The following TESMIN variants were observed in gnomAD, a reference collection of about 807,000 sequenced individuals.
TESMIN encodes testis expressed metallothionein like protein.
A neutral mutation model predicts 47.4 loss-of-function variants in TESMIN; 34 were observed. That is an observed-to-expected ratio of 0.72 (90% CI 0.55 to 0.96). The LOEUF (loss-of-function observed/expected upper bound fraction) is 0.96. TESMIN is among the 40% of genes least tolerant of loss of function. TESMIN has a pLI of 0.00. For synonymous variants in TESMIN, 278 were observed against 258.9 expected, an observed-to-expected ratio of 1.07 and a Z score of -0.71; for missense variants, 610 against 637.2, an observed-to-expected ratio of 0.96 and a Z score of 0.46.
chr11:68,750,537 C>T lies in TESMIN; in HGVS notation c.124G>A (p.Glu42Lys), dbSNP rs1946581351. 6.2e-7 allele frequency: 1 copy of T among 1,605,638 alleles called. No homozygotes were observed. The highest frequency in any genetic ancestry group is 1.1e-5 in the South Asian group (1 of 89,332). Residue 42 changes from glutamate to lysine, a missense_variant, in exon 2 of 10, where the codon GAG becomes AAG. Transcript: ENST00000255087. ...TTGAAGACGTGGAACTCGTCCTCCT[C>T]GTACTTCACGGGGGCCTTCAGGCCG... ...NIGLKAPVKY[E>K]EDEFHVFKEA... is the part of the protein sequence containing the mutation.
chr11:68,724,666 T>C (rs1045349372), intron 6 of TESMIN, among the ~76,000 whole-genome samples: 4 of 152,184 alleles, frequency 2.6e-5, no homozygotes, highest in African/African-American at 9.7e-5. Flanking sequence ...AAGATGAACA[T>C]AAGGGTAGGG....
At chr11:68,717,313 G>T (rs1161297306) in intron 6 of TESMIN, among the ~76,000 whole-genome samples, 1 of 152,198 alleles carries the variant, frequency 6.6e-6, no homozygotes, top group South Asian at 2.1e-4. Context: ...AGTCCCTAGG[G>T]ACCCGGAGCT....
chr11:68,716,659 C>T (rs187137867), intron 6 of TESMIN, among the ~76,000 whole-genome samples: 2 of 152,338 alleles, frequency 1.3e-5, no homozygotes, highest in East Asian at 3.9e-4. Flanking sequence ...TGCTGGCAGC[C>T]AGTCTCCCTC....
chr11:68,737,006 T>C (rs4930244), intron 6 of TESMIN: 607,245 of 985,040 alleles, frequency 0.62, 188,917 homozygotes, highest in East Asian at 0.78. Flanking sequence ...CAAATGTCCT[T>C]GAATGTTCTA....
At chr11:68,711,220 CGTGA>C (rs573880720) in intron 8 of TESMIN, among the ~76,000 whole-genome samples, 171 bp from the exon 9 acceptor site, 126 of 150,520 alleles carry the variant, frequency 8.4e-4, no homozygotes, top group South Asian at 4.7e-3. Flanking sequence ...GTGTGTTGAA[CGTGA>C]GTGTGTGTAT....
intron 6 of TESMIN, among the ~76,000 whole-genome samples, chr11:68,720,684 C>T (rs1946194583): frequency 6.6e-6 from 1 of 152,240 alleles, no homozygotes. Flanking sequence ...TGCCCAGTAA[C>T]ACAGCCCCTG....
At chr11:68,713,460 G>A in intron 7 of TESMIN, 53 bp from the exon 8 acceptor site, 1 of 1,592,280 alleles carries the variant, frequency 6.3e-7, no homozygotes, top group Non-Finnish European at 8.6e-7. Context: ...TTAAAACTCA[G>A]CTCAATGAAG....
At chr11:68,749,223 GACAA>G (rs374199941) in intron 2 of TESMIN, among the ~76,000 whole-genome samples, 12 of 152,340 alleles carry the variant, frequency 7.9e-5, no homozygotes, top group African/African-American at 2.4e-4. Flanking sequence ...CTCCTCTGAG[GACAA>G]ACAGAGGTCA....
At chr11:68,736,669 A>G (rs1420464635) in intron 6 of TESMIN, 1 of 982,680 alleles carries the variant, frequency 1.0e-6, no homozygotes, top group Admixed American at 6.2e-5. Context: ...CACACCGTTT[A>G]CAATAGAGAA....
At chr11:68,707,133 G>A (rs933612613), downstream of TESMIN, among the ~76,000 whole-genome samples, 2 of 152,212 alleles carry the variant, frequency 1.3e-5, no homozygotes, top group African/African-American at 4.8e-5. Flanking sequence ...AATTGCAAAG[G>A]GGAAGAATTC....
chr11:68,750,555 T>G lies in TESMIN; in HGVS notation c.106A>C (p.Lys36Gln). Residue 36 changes from lysine (K) to glutamine (Q), a missense_variant, in exon 2 of 10, where the codon AAG becomes CAG. Transcript: ENST00000255087. ...GPFASENIGL[K>Q]APVKYEEDEF... is the part of the protein sequence containing the mutation. ...TCCTCCTCGTACTTCACGGGGGCCT[T>G]CAGGCCGATGTTCTCCGAAGCGAAC... 1 of 1,607,656 alleles carries G rather than the reference T, an allele frequency of 6.2e-7. No homozygotes were observed. Among genetic ancestry groups the G allele is most frequent in the Non-Finnish European group, 8.5e-7 (1 of 1,177,862 alleles).
chr11:68,736,775 CA>C (rs1221993045), intron 6 of TESMIN: 3 of 964,606 alleles, frequency 3.1e-6, no homozygotes, highest in East Asian at 2.4e-4. Flanking sequence ...GGAAGAAGAG[CA>C]GGGGGAGGAG....
At position 68,750,451 on chromosome 11, in the gene TESMIN, C is replaced by G; in HGVS notation, c.210G>C (p.Ala70=). ...CCTGGCCCTTGCAGTCGGCGCCCAG[C>G]GCGGGGTTGAACGCGTGCAGGACGG... ...KEPVLHAFNP[A]LGADCKGQVK... The change falls in exon 2 of 10, where the codon GCG becomes GCC. Residue 70 remains alanine (A), a synonymous_variant. Transcript: ENST00000255087. The G allele has an allele frequency of 6.3e-7, 1 of 1,584,204 alleles. No individual in the cohort carries two copies. The highest frequency in any genetic ancestry group is 8.6e-7 in the Non-Finnish European group (1 of 1,164,758).
Position 68,750,604 on chromosome 11 carries a change from C to G in TESMIN, c.57G>C (p.Thr19=). 15 of 1,600,212 alleles carry G rather than the reference C, an allele frequency of 9.4e-6. No homozygotes were observed. The highest frequency in any genetic ancestry group is 2.2e-5 in the South Asian group (2 of 89,024). Residue 19 remains threonine (T), a synonymous_variant, in exon 2 of 10, where the codon ACG becomes ACC. Transcript: ENST00000255087. ...GLPSPEDAMV[T]ELLSPEGPFA... is the part of the protein sequence containing the mutation. ...ACGGACCCTCGGGGCTTAAGAGCTC[C>G]GTCACCATCGCATCCTCGGGGCTGG...
downstream of TESMIN, among the ~76,000 whole-genome samples, chr11:68,706,172 C>T (rs1315587703): frequency 1.3e-5 from 2 of 152,292 alleles, no homozygotes; most frequent in East Asian, 3.9e-4. Context: ...GCTTTGTAGT[C>T]ATCTTCTGTA....
At chr11:68,730,840 A>G (rs568781216) in intron 6 of TESMIN, among the ~76,000 whole-genome samples, 22 of 152,304 alleles carry the variant, frequency 1.4e-4, no homozygotes, top group Non-Finnish European at 2.2e-4. Flanking sequence ...TAAGTTTCCA[A>G]TAAAATAGAA....
chr11:68,747,083 C>T, intron 3 of TESMIN, 125 bp downstream of exon 3: 1 of 1,110,188 alleles, frequency 9.0e-7, no homozygotes, highest in Admixed American at 1.9e-5. Flanking sequence ...AATGAGACAA[C>T]CAAAAATCCT....
downstream of TESMIN, among the ~76,000 whole-genome samples, chr11:68,706,512 G>T (rs1438310104): frequency 6.6e-6 from 1 of 152,226 alleles, no homozygotes; most frequent in Admixed American, 6.5e-5. Flanking sequence ...GGCAGCCGTT[G>T]CCTCAGGAGA....
At position 68,750,592 on chromosome 11, in the gene TESMIN, G is replaced by T. The variant is rs776097075; in HGVS notation, c.69C>A (p.Ser23Arg). 1.9e-6 allele frequency: 3 copies of T among 1,604,276 alleles called. No individual in the cohort carries two copies. Among genetic ancestry groups the T allele is most frequent in the African/African-American group, 2.7e-5 (2 of 74,298 alleles). Residue 23 changes from serine (S) to arginine (R), a missense_variant, in exon 2 of 10, where the codon AGC becomes AGA. By Grantham distance (110) the Ser-to-Arg change is moderately radical. Transcript: ENST00000255087. ...PEDAMVTELL[S>R]PEGPFASENI... The stretch of plus-strand genomic sequence containing the variant: ...TCTCCGAAGCGAACGGACCCTCGGG[G>T]CTTAAGAGCTCCGTCACCATCGCAT...
Sources: gnomAD v4.1 joint callset for allele counts (sites outside exome capture counted in the v4.1 genomes callset) on GRCh38, gnomAD v4.1.1 for gene constraint, MANE v1.5 for transcripts, NCBI Gene and HGNC (gene_info 2026-07-23, HGNC 2026-07-21) for gene names.